ZFP91: variants seen among roughly 807,000 people sequenced by gnomAD.
ZFP91 encodes the protein E3 ubiquitin-protein ligase ZFP91.
ZFP91 carries 7 observed loss-of-function variants against 63.5 expected under a neutral mutation model. The ratio of observed to expected loss-of-function variants is 0.11; its 90% confidence interval spans 0.06 to 0.21. The LOEUF (loss-of-function observed/expected upper bound fraction) is 0.21, where lower values mean the gene tolerates loss of function less well. Ranked by LOEUF, ZFP91 falls within the 10% of genes least tolerant of loss-of-function variation. The pLI is 1.00. For synonymous variants in ZFP91, 330 were observed against 272.1 expected (o/e 1.21, Z -2.10); for missense variants, 628 against 736.6 (o/e 0.85, Z 1.71).
chr11:58,604,193 T>C (rs1855534632), intron 2 of ZFP91, among the ~76,000 whole-genome samples: 1 of 152,196 alleles, frequency 6.6e-6, no homozygotes, highest in African/African-American at 2.4e-5. Flanking sequence ...GGAAATAGGA[T>C]CTTTGCAGAT....
chr11:58,589,852 A>G (rs963857806), intron 2 of ZFP91, among the ~76,000 whole-genome samples: 48 of 152,232 alleles, frequency 3.2e-4, no homozygotes, highest in African/African-American at 1.1e-3. Context: ...TATGTCACTT[A>G]TAATATGTGA....
chr11:58,616,848 A>G (rs748541536), intron 10 of ZFP91, 33 bp downstream of exon 10: 1 of 1,592,854 alleles, frequency 6.3e-7, no homozygotes, highest in South Asian at 1.1e-5. Context: ...CATCTGGGTG[A>G]GAAGGATATA....
intron 1 of ZFP91, among the ~76,000 whole-genome samples, chr11:58,584,000 A>C (rs1274269083): frequency 2.6e-5 from 4 of 152,032 alleles, no homozygotes; most frequent in Non-Finnish European, 5.9e-5. Context: ...TTGACTTTTG[A>C]ATTTTAGTAG....
intron 2 of ZFP91, among the ~76,000 whole-genome samples, chr11:58,586,399 C>T (rs1021828960): frequency 6.6e-6 from 1 of 151,210 alleles, no homozygotes; most frequent in Non-Finnish European, 1.5e-5. Context: ...AGCTCCTGGC[C>T]TCAAGTGATC....
intron 10 of ZFP91, 149 bp downstream of exon 10, chr11:58,616,964 CT>C: frequency 3.4e-6 from 3 of 894,098 alleles, no homozygotes; most frequent in Non-Finnish European, 5.0e-6. Context: ...AGTTAGTAGC[CT>C]TTTTCTTAGT....
intron 2 of ZFP91, among the ~76,000 whole-genome samples, chr11:58,594,191 C>T (rs958181192): frequency 2.0e-5 from 3 of 152,156 alleles, no homozygotes; most frequent in South Asian, 4.1e-4. Context: ...TATGCCTCCT[C>T]GGCATGATAA....
chr11:58,608,764 C>CT, intron 2 of ZFP91, among the ~76,000 whole-genome samples: 1 of 152,124 alleles, frequency 6.6e-6, no homozygotes, highest in Non-Finnish European at 1.5e-5. Flanking sequence ...ACCACGACGC[C>CT]TGGCTACCTT....
chr11:58,601,690 G>A (rs1269915386), intron 2 of ZFP91, among the ~76,000 whole-genome samples: 1 of 151,430 alleles, frequency 6.6e-6, no homozygotes, highest in East Asian at 1.9e-4. Context: ...CATCCCCTAG[G>A]TTTTGGGATA....
chr11:58,597,309 T>TA (rs1193000089), intron 2 of ZFP91, among the ~76,000 whole-genome samples: 3 of 152,172 alleles, frequency 2.0e-5, no homozygotes, highest in Non-Finnish European at 2.9e-5. Flanking sequence ...TTTCCTGCTT[T>TA]AAATCTTGTT....
At chr11:58,615,121 C>T (rs1460176055) in intron 9 of ZFP91, among the ~76,000 whole-genome samples, 4 of 152,124 alleles carry the variant, frequency 2.6e-5, no homozygotes, top group Non-Finnish European at 5.9e-5. Flanking sequence ...TTCACTTTTC[C>T]TTCTCTGTGT....
chr11:58,606,049 T>A (rs971199033), intron 2 of ZFP91, among the ~76,000 whole-genome samples: 1 of 152,174 alleles, frequency 6.6e-6, no homozygotes, highest in Non-Finnish European at 1.5e-5. Context: ...AGCTCTAGAA[T>A]TTTTTTCTCT....
In ZFP91 at chr11:58,616,835, G is replaced by A. The variant is rs200908575; in HGVS notation, c.1202+20G>A. Reference sequence around the variant, plus strand: ...ATTACAGTGAGTATTATTTACTGGTGAACATCTGGGTGAGAAGGATATATG... The same window carrying A: ...ATTACAGTGAGTATTATTTACTGGTAAACATCTGGGTGAGAAGGATATATG... On this transcript the variant is annotated intron_variant, in intron 10 of 10. Transcript: ENST00000316059. 4 of 1,605,130 alleles carry A rather than the reference G, an allele frequency of 2.5e-6. No homozygotes were observed. Among genetic ancestry groups the A allele is most frequent in the Non-Finnish European group, 2.6e-6 (3 of 1,172,198 alleles).
intron 7 of ZFP91, 194 bp downstream of exon 7, chr11:58,612,522 T>G (rs565148077): frequency 7.9e-6 from 5 of 636,858 alleles, no homozygotes; most frequent in Non-Finnish European, 1.4e-5. Context: ...CTAACAATCT[T>G]AATACTTTAC....
At chr11:58,608,431 T>C (rs1362118003) in intron 2 of ZFP91, among the ~76,000 whole-genome samples, 1 of 151,876 alleles carries the variant, frequency 6.6e-6, no homozygotes, top group African/African-American at 2.4e-5. Flanking sequence ...TGCATGGAGG[T>C]TTTGCTAATA....
Position 58,579,632 on chromosome 11 carries a change from A to AC in ZFP91, c.341+10_341+11insC. 6.5e-7 allele frequency: 1 copy of AC among 1,550,166 alleles called. No homozygotes were observed. Among genetic ancestry groups the AC allele is most frequent in the African/African-American group, 1.4e-5 (1 of 70,002 alleles). On this transcript the variant is annotated intron_variant, in intron 1 of 10. Coordinates refer to ENST00000316059, the MANE Select transcript of ZFP91 (RefSeq NM_053023.5). ...AGAGTCCGCGACTCCTGTGAGTAAC[A>AC]GTCTTTCAGGCGGTGGGAAAGACCC...
At position 58,621,364 on chromosome 11, in the gene ZFP91, T is replaced by C. The variant is rs960788286; in HGVS notation, c.*3658T>C. On this transcript the variant is annotated 3_prime_UTR_variant, in exon 11 of 11. Transcript: ENST00000316059. ...ATTTTACCCTGATAATGACAAAACC[T>C]TGATAGCATTTAATATTAATACTTC... Among the ~76,000 whole-genome samples the C allele has an allele frequency of 3.3e-5, 5 of 152,222 alleles. No homozygotes were observed. The highest frequency in any genetic ancestry group is 2.9e-5 in the Non-Finnish European group (2 of 68,034).
intron 2 of ZFP91, among the ~76,000 whole-genome samples, chr11:58,593,461 C>G (rs1855343473): frequency 6.6e-6 from 1 of 152,134 alleles, no homozygotes; most frequent in Non-Finnish European, 1.5e-5. Context: ...GTGATATGAA[C>G]AGAACAAGAT....
intron 2 of ZFP91, among the ~76,000 whole-genome samples, chr11:58,608,362 G>T (rs1183042015): frequency 6.6e-6 from 1 of 151,730 alleles, no homozygotes; most frequent in African/African-American, 2.4e-5. Context: ...TCTAGTAGTT[G>T]AACATCATGT....
chr11:58,606,651 T>A (rs1855574640), intron 2 of ZFP91, among the ~76,000 whole-genome samples: 1 of 152,068 alleles, frequency 6.6e-6, no homozygotes, highest in Admixed American at 6.6e-5. Context: ...CCCAATAATC[T>A]CCAGTTTCTG....
Sources: gnomAD v4.1 joint callset for allele counts (sites outside exome capture counted in the v4.1 genomes callset) on GRCh38, gnomAD v4.1.1 for gene constraint, MANE v1.5 for transcripts, NCBI Gene and HGNC (gene_info 2026-07-23, HGNC 2026-07-21) for gene names.